DGKK: variants seen among roughly 807,000 people sequenced by gnomAD.
DGKK encodes the protein diacylglycerol kinase kappa.
DGKK carries 35 observed loss-of-function variants against 92.2 expected under a neutral mutation model. That is an observed-to-expected ratio of 0.38 (90% CI 0.29 to 0.50). DGKK has a LOEUF of 0.50. DGKK is among the 20% of genes least tolerant of loss of function. The pLI is 0.92. For synonymous variants in DGKK, 368 were observed against 360.6 expected (o/e 1.02, Z -0.23); for missense variants, 910 against 992.2 (o/e 0.92, Z 1.11).
chrX:50,393,419 C>T (rs1436190587), intron 8 of DGKK, 84 bp from the exon 9 acceptor site: 2 of 838,297 alleles, frequency 2.4e-6, no homozygotes, highest in Non-Finnish European at 3.3e-6. Flanking sequence ...TCACATTTTG[C>T]AATAACTTTT....
At chrX:50,372,825 T>C (rs1351559092) in intron 25 of DGKK, among the ~76,000 whole-genome samples, 2 of 111,979 alleles carry the variant, frequency 1.8e-5, no homozygotes, top group Non-Finnish European at 3.8e-5. Context: ...TCTTCAGCCC[T>C]CACATGCTTA....
rs1557223887 is a variant in DGKK at position 50,376,783 on chromosome X, G to A, written c.3247C>T (p.Arg1083Trp). The A allele has an allele frequency of 2.5e-6, 3 of 1,196,944 alleles. No homozygotes were observed. The South Asian group carries it at 5.6e-5, about 22-fold the overall frequency. ...TTGCTGATGAGGTTTTCTGCAAGCC[G>A]AGCTAAGTGCTGCATCTGGGCATAC... ...EEYAQMQHLA[R>W]LAENLISKLN... The change falls in exon 23 of 28, where the codon CGG becomes TGG. Residue 1083 changes from arginine (R) to tryptophan (W), a missense_variant. Coordinates refer to ENST00000611977, the MANE Select transcript of DGKK (RefSeq NM_001013742.4).
intron 1 of DGKK, among the ~76,000 whole-genome samples, chrX:50,445,367 C>A (rs1557231719): frequency 9.0e-6 from 1 of 110,670 alleles, no homozygotes; most frequent in East Asian, 2.8e-4. Context: ...GTTGTATGTC[C>A]AGAATGGTAT....
chrX:50,461,557 A>C (rs1926747246), intron 1 of DGKK, among the ~76,000 whole-genome samples: 2 of 112,286 alleles, frequency 1.8e-5, no homozygotes, highest in Non-Finnish European at 3.8e-5. Flanking sequence ...TTTTAGTTTA[A>C]GTAGAGGAAT....
In DGKK at chrX:50,370,564, G is replaced by A. The variant is rs782362762; in HGVS notation, c.3613-15C>T. The A allele has an allele frequency of 7.6e-6, 9 of 1,188,812 alleles. No individual in the cohort carries two copies. Among genetic ancestry groups the A allele is most frequent in the Admixed American group, 2.3e-5 (1 of 42,963 alleles). On this transcript the variant is annotated splice_polypyrimidine_tract_variant and intron_variant, in intron 26 of 27. Coordinates refer to ENST00000611977, the MANE Select transcript of DGKK (RefSeq NM_001013742.4). Reference sequence around the variant, plus strand: ...GAAGATTTTTCCTGAGAAACCACAAGAGGAAGGTCAAAATGTTAGTTGCCT... The same window carrying A: ...GAAGATTTTTCCTGAGAAACCACAAAAGGAAGGTCAAAATGTTAGTTGCCT...
intron 1 of DGKK, among the ~76,000 whole-genome samples, chrX:50,453,797 C>G (rs1185394345): frequency 9.0e-6 from 1 of 110,547 alleles, no homozygotes; most frequent in Non-Finnish European, 1.9e-5. Context: ...AATGGGCAAT[C>G]CAGAGGGGAA....
At chrX:50,447,629 C>G (rs1444865977) in intron 1 of DGKK, among the ~76,000 whole-genome samples, 2 of 103,211 alleles carry the variant, frequency 1.9e-5, no homozygotes, top group Non-Finnish European at 3.9e-5. Context: ...TCATTATCCG[C>G]CAACTCTCAA....
intron 4 of DGKK, among the ~76,000 whole-genome samples, chrX:50,412,446 C>T (rs1925327089): frequency 8.9e-6 from 1 of 111,917 alleles, no homozygotes; most frequent in Non-Finnish European, 1.9e-5. Flanking sequence ...TTTTTGAACA[C>T]CTTTCCTCTA....
Position 50,378,562 on chromosome X carries a change from C to G in DGKK, c.2976+16G>C. On this transcript the variant is annotated intron_variant, in intron 21 of 27. Transcript: ENST00000611977. ...AACCTCAGCCCCTTCCCAGTGCCCA[C>G]CCAGCCCCTGCCTACCTGGGCAATG... is the stretch of plus-strand genomic sequence containing the variant. 8.5e-7 allele frequency: 1 copy of G among 1,182,898 alleles called. No individual in the cohort carries two copies. The highest frequency in any genetic ancestry group is 1.1e-6 in the Non-Finnish European group (1 of 874,559).
In DGKK at chrX:50,378,454, C is replaced by T. The variant is rs1435297609; in HGVS notation, c.2976+124G>A. On this transcript the variant is annotated intron_variant, in intron 21 of 27. Transcript: ENST00000611977. ...ACCTCAGTCAGCACTTTACTGCCCA[C>T]CAGATAACCTGCTCACTCCACCCTG... is the stretch of plus-strand genomic sequence containing the variant. 1.4e-5 allele frequency: 11 copies of T among 760,675 alleles called. No individual in the cohort carries two copies. The Middle Eastern group carries it at 1.7e-3, about 120-fold the overall frequency. The allele number at this position is 760,675 out of a possible 1,213,427, so 62.7% of individuals were successfully genotyped here.
chrX:50,467,981 C>T (rs917627957), intron 1 of DGKK, among the ~76,000 whole-genome samples: 17 of 111,981 alleles, frequency 1.5e-4, no homozygotes, highest in African/African-American at 5.2e-4. Context: ...ATAAGTGATT[C>T]AACAAATGTC....
intron 14 of DGKK, among the ~76,000 whole-genome samples, chrX:50,387,245 G>A (rs898952882): frequency 2.7e-5 from 3 of 112,035 alleles, no homozygotes; most frequent in African/African-American, 6.5e-5. Context: ...GTGTGTATTC[G>A]TATGTACATA....
intron 1 of DGKK, among the ~76,000 whole-genome samples, chrX:50,461,839 T>A (rs1287698211): frequency 8.9e-6 from 1 of 112,003 alleles, no homozygotes; most frequent in African/African-American, 3.2e-5. Flanking sequence ...TCTCTCTGCT[T>A]ATAAATATGA....
Position 50,470,459 on chromosome X carries a change from C to T in DGKK, c.220G>A (p.Ala74Thr). 2 of 1,212,347 alleles carry T rather than the reference C, an allele frequency of 1.6e-6. No individual in the cohort carries two copies. The highest frequency in any genetic ancestry group is 2.2e-6 in the Non-Finnish European group (2 of 895,567). The change falls in exon 1 of 28, where the codon GCC (alanine) becomes ACC (threonine). Residue 74 changes from alanine (A) to threonine (T), a missense_variant. By Grantham distance (58) the Ala-to-Thr change is moderately conservative (BLOSUM62 0). Coordinates refer to ENST00000611977, the MANE Select transcript of DGKK (RefSeq NM_001013742.4). Reference protein sequence around the residue: ...GPCPEATSESATELYTEPTPE... With the variant: ...GPCPEATSESTTELYTEPTPE... ...GTCGGTTCTGTGTACAGTTCTGTGG[C>T]TGATTCTGAGGTCGCCTCTGGACAG... is the stretch of plus-strand genomic sequence containing the variant.
At chrX:50,384,397 T>G in intron 16 of DGKK, 133 bp from the exon 17 acceptor site, 1 of 445,936 alleles carries the variant, frequency 2.2e-6, no homozygotes, top group Non-Finnish European at 3.8e-6. Flanking sequence ...ATATTAAGGG[T>G]TCTAATTCCA....
At chrX:50,407,784 GAGA>G (rs1925196199) in intron 4 of DGKK, among the ~76,000 whole-genome samples, 1 of 112,189 alleles carries the variant, frequency 8.9e-6, no homozygotes, top group African/African-American at 3.2e-5. Context: ...GTGCCCTGCA[GAGA>G]ACATCAAGGG....
intron 25 of DGKK, among the ~76,000 whole-genome samples, chrX:50,373,482 C>T (rs926671980): frequency 1.5e-4 from 17 of 111,799 alleles, no homozygotes; most frequent in African/African-American, 4.2e-4. Context: ...GGGAAAGTGG[C>T]GACAAGAGAC....
rs373467832 is a variant in DGKK, at chrX:50,388,668, G to C, written c.1927-50C>G. The C allele has an allele frequency of 1.1e-4, 100 of 924,261 alleles. No homozygotes were observed. The East Asian group carries it at 2.0e-3, about 18-fold the overall frequency. 76.2% of individuals were successfully genotyped at this position (924,261 alleles called of 1,213,427 possible). ...CCTGGAATCTTAGTACAATAACACA[G>C]TGTGCTGCCCATCCTCATCCCCTGC... is the stretch of plus-strand genomic sequence containing the variant. On this transcript the variant is annotated intron_variant, in intron 12 of 27. Transcript: ENST00000611977.
intron 1 of DGKK, among the ~76,000 whole-genome samples, chrX:50,429,582 G>C (rs941383341): frequency 3.6e-5 from 4 of 111,306 alleles, no homozygotes; most frequent in Non-Finnish European, 5.7e-5. Context: ...CCAGCTACTT[G>C]GGAGGCTGAG....
Sources: allele counts gnomAD v4.1 joint callset (sites outside exome capture counted in the v4.1 genomes callset), GRCh38; gene constraint gnomAD v4.1.1; transcripts MANE v1.5; gene names NCBI Gene and HGNC (gene_info 2026-07-23, HGNC 2026-07-21).